NPAS2: variants seen among roughly 807,000 people sequenced by gnomAD.
NPAS2 encodes neuronal PAS domain protein 2.
In NPAS2, 23 loss-of-function variants were observed where a neutral mutation model predicts 107.5. That is an observed-to-expected ratio of 0.21 (90% CI 0.15 to 0.30). The LOEUF (loss-of-function observed/expected upper bound fraction) is 0.30. Ranked by LOEUF, NPAS2 falls within the 10% of genes least tolerant of loss-of-function variation. The pLI, the probability that NPAS2 is intolerant of heterozygous loss-of-function variation, is 1.00. For missense variants in NPAS2, 756 were observed against 1,043.3 expected, an observed-to-expected ratio of 0.72 and a Z score of 3.79; for synonymous variants, 403 against 417.5, an observed-to-expected ratio of 0.97 and a Z score of 0.42.
intron 1 of NPAS2, among the ~76,000 whole-genome samples, chr2:100,867,122 T>C (rs1383038667): frequency 2.0e-5 from 3 of 151,052 alleles, no homozygotes; most frequent in African/African-American, 7.4e-5. Flanking sequence ...TCTTCCTAAA[T>C]GGTCAATATT....
chr2:100,893,107 C>T (rs1446969744), intron 1 of NPAS2, among the ~76,000 whole-genome samples: 1 of 152,206 alleles, frequency 6.6e-6, no homozygotes, highest in African/African-American at 2.4e-5. Flanking sequence ...GAAGTTATTT[C>T]CTAGCTTCCC....
intron 7 of NPAS2, among the ~76,000 whole-genome samples, chr2:100,958,773 G>A (rs1159053861): frequency 1.3e-5 from 2 of 152,098 alleles, no homozygotes; most frequent in Non-Finnish European, 2.9e-5. Context: ...AGACAGGGGC[G>A]AGGGAAGTTC....
intron 2 of NPAS2, among the ~76,000 whole-genome samples, chr2:100,911,143 A>G (rs928757255): frequency 2.6e-5 from 4 of 152,254 alleles, no homozygotes; most frequent in Admixed American, 1.3e-4. Flanking sequence ...TAAAGATGCT[A>G]AGACTGCAAT....
intron 5 of NPAS2, among the ~76,000 whole-genome samples, chr2:100,945,977 A>C (rs1011820460): frequency 1.3e-5 from 2 of 152,104 alleles, no homozygotes; most frequent in Non-Finnish European, 2.9e-5. Context: ...TGTGGTGGTG[A>C]ACAAGGCACT....
intron 1 of NPAS2, among the ~76,000 whole-genome samples, chr2:100,899,375 C>T (rs1440443312): frequency 6.6e-6 from 1 of 151,972 alleles, no homozygotes; most frequent in African/African-American, 2.4e-5. Flanking sequence ...AGGTGTGTAC[C>T]ATCACATGGG....
At position 100,925,192 on chromosome 2, in the gene NPAS2, G is replaced by A. The variant is rs1683480319; in HGVS notation, c.79G>A (p.Val27Ile). 5 of 1,614,024 alleles carry A rather than the reference G, an allele frequency of 3.1e-6. No homozygotes were observed. Among genetic ancestry groups the A allele is most frequent in the African/African-American group, 1.3e-5 (1 of 74,924 alleles). Residue 27 changes from valine to isoleucine, a missense_variant, in exon 3 of 21, where the codon GTT (valine) becomes ATT (isoleucine). This residue lies in a region of NPAS2 where 146 missense variants were observed against 249.6 expected (regional missense o/e 0.58). Transcript: ENST00000335681. Reference protein sequence around the residue: ...SEKKRRDQFNVLIKELSSMLP... With the variant: ...SEKKRRDQFNILIKELSSMLP... ...GAAGAAGCGTCGGGACCAGTTCAATGTTCTCATCAAAGAGCTCAGTTCCAT... is the reference window on the plus strand; with the variant it reads ...GAAGAAGCGTCGGGACCAGTTCAATATTCTCATCAAAGAGCTCAGTTCCAT...
chr2:100,838,832 C>A (rs17699370), intron 1 of NPAS2, among the ~76,000 whole-genome samples: 34,617 of 151,924 alleles, frequency 0.23, 5,173 homozygotes, highest in Non-Finnish European at 0.32. Flanking sequence ...TGCTCCATTG[C>A]TTTGGATCAG....
chr2:100,870,676 G>T (rs1573508247), intron 1 of NPAS2, among the ~76,000 whole-genome samples: 1 of 152,216 alleles, frequency 6.6e-6, no homozygotes, highest in Non-Finnish European at 1.5e-5. Flanking sequence ...ACAGGCGTGA[G>T]TCACCACTCC....
chr2:100,842,280 G>T (rs1677483477), intron 1 of NPAS2, among the ~76,000 whole-genome samples: 2 of 152,294 alleles, frequency 1.3e-5, no homozygotes, highest in South Asian at 4.1e-4. Context: ...GTTGGGGTGA[G>T]AACCCAGGAT....
chr2:100,933,051 C>T (rs1054057807), intron 4 of NPAS2, 50 bp downstream of exon 4: 9 of 1,368,520 alleles, frequency 6.6e-6, no homozygotes, highest in Middle Eastern at 1.8e-4. Flanking sequence ...TAAAATGTAG[C>T]TACTTGTTGC....
intron 1 of NPAS2, among the ~76,000 whole-genome samples, chr2:100,901,134 G>A (rs2104754120): frequency 6.6e-6 from 1 of 152,246 alleles, no homozygotes; most frequent in Non-Finnish European, 1.5e-5. Context: ...TTATTTATCT[G>A]GGGGCTCTTT....
chr2:100,969,297 G>A (rs1676410400), intron 11 of NPAS2, among the ~76,000 whole-genome samples: 1 of 151,854 alleles, frequency 6.6e-6, no homozygotes, highest in Non-Finnish European at 1.5e-5. Context: ...CATCATTTAG[G>A]CTTTAAGCCC....
At chr2:100,844,632 C>T (rs1677657022) in intron 1 of NPAS2, among the ~76,000 whole-genome samples, 2 of 152,048 alleles carry the variant, frequency 1.3e-5, no homozygotes, top group Non-Finnish European at 1.5e-5. Context: ...GCTCTTATGT[C>T]GCCACATGAA....
chr2:100,970,375 A>G (rs1448202338), intron 11 of NPAS2, among the ~76,000 whole-genome samples: 1 of 152,240 alleles, frequency 6.6e-6, no homozygotes, highest in Admixed American at 6.5e-5. Flanking sequence ...CCGGAGGCCC[A>G]GGAGCCACGT....
chr2:100,862,847 C>T (rs1162930647), intron 1 of NPAS2, among the ~76,000 whole-genome samples: 1 of 152,158 alleles, frequency 6.6e-6, no homozygotes, highest in Non-Finnish European at 1.5e-5. Context: ...TTTGTGTCCT[C>T]CCCAGACCAG....
At position 100,911,643 on chromosome 2, in the gene NPAS2, T is replaced by G. The variant is rs188400862; in HGVS notation, c.32+6857T>G. On this transcript the variant is annotated intron_variant, in intron 2 of 20. Transcript: ENST00000335681. ...TCTTATACATTTCCATTCAATTTTT[T>G]TTTTTTGAGACAGAGTCTAGCTCTG... Among the ~76,000 whole-genome samples, 69 of 152,234 alleles carry G rather than the reference T, an allele frequency of 4.5e-4. 1 individual carries two copies. In the East Asian group the frequency reaches 9.7e-3, roughly 21 times the overall value.
At chr2:100,822,705 T>C (rs1676147867) in intron 1 of NPAS2, 1 of 152,214 alleles carries the variant, frequency 6.6e-6, no homozygotes, top group Admixed American at 6.5e-5. Flanking sequence ...AAAACAAGCA[T>C]GTGTTTTGTT....
chr2:100,885,322 A>C (rs1391825221), intron 1 of NPAS2, among the ~76,000 whole-genome samples: 2 of 152,146 alleles, frequency 1.3e-5, no homozygotes, highest in Non-Finnish European at 1.5e-5. Context: ...AAAACAGAAA[A>C]ATTTTTAATG....
chr2:100,829,720 T>A (rs1010034551), intron 1 of NPAS2, among the ~76,000 whole-genome samples: 4 of 152,176 alleles, frequency 2.6e-5, no homozygotes, highest in African/African-American at 7.2e-5. Flanking sequence ...AGAGTGGGCA[T>A]CCTCATCTTG....
Sources: gnomAD v4.1 joint callset for allele counts (sites outside exome capture counted in the v4.1 genomes callset) on GRCh38, gnomAD v4.1.1 for gene constraint, gnomAD v4.1.1 regional missense constraint, MANE v1.5 for transcripts, NCBI Gene and HGNC (gene_info 2026-07-23, HGNC 2026-07-21) for gene names.